CARNMT1: variants seen among roughly 807,000 people sequenced by gnomAD.
The protein encoded by CARNMT1 is carnosine N-methyltransferase 1.
In CARNMT1, 28 loss-of-function variants were observed where a neutral mutation model predicts 49.6. The observed-to-expected ratio is 0.56, with a 90% CI of 0.42 to 0.77. The LOEUF (loss-of-function observed/expected upper bound fraction) is 0.77. Ranked by LOEUF, CARNMT1 falls within the 30% of genes least tolerant of loss-of-function variation. The pLI is 0.00. For missense variants in CARNMT1, 421 were observed against 512.6 expected (o/e 0.82, Z 1.73); for synonymous variants, 178 against 175.0 (o/e 1.02, Z -0.13).
At chr9:75,012,757 TA>T (rs373157512) in intron 3 of CARNMT1, among the ~76,000 whole-genome samples, 8,468 of 147,370 alleles carry the variant, frequency 0.057, 412 homozygotes, top group Admixed American at 0.14. Context: ...ACTAAAAATA[TA>T]AAAAAAAAAA....
chr9:75,011,746 C>G (rs1833696788), intron 3 of CARNMT1, among the ~76,000 whole-genome samples: 2 of 152,072 alleles, frequency 1.3e-5, no homozygotes, highest in Admixed American at 1.3e-4. Context: ...ATGAAGTGGT[C>G]CTTTTGGGAA....
intron 6 of CARNMT1, among the ~76,000 whole-genome samples, chr9:74,990,443 T>C (rs942053521): frequency 2.0e-5 from 3 of 152,216 alleles, no homozygotes; most frequent in Non-Finnish European, 4.4e-5. Flanking sequence ...ACTAAAGTTA[T>C]CAGTATGAAC....
At chr9:74,985,120 A>G (rs534752556) in intron 6 of CARNMT1, 110 bp from the exon 7 acceptor site, 33 of 796,204 alleles carry the variant, frequency 4.1e-5, no homozygotes, top group Non-Finnish European at 6.4e-5. Context: ...CAAACATAAA[A>G]AGTCTGGGCA....
intron 3 of CARNMT1, among the ~76,000 whole-genome samples, chr9:75,000,282 A>T (rs1299111938): frequency 6.6e-6 from 1 of 152,182 alleles, no homozygotes; most frequent in East Asian, 1.9e-4. Context: ...TTATTTCTAA[A>T]TTTTATATGT....
In CARNMT1 at chr9:75,014,042, C is replaced by A. The variant is rs1170847249; in HGVS notation, c.590+2226G>T. ...ACTTAAAAAAAAAAAAAAAAAAAAA[C>A]CCCAAGAATAAAAGGATGAATAAAC... is the stretch of plus-strand genomic sequence containing the variant. On this transcript the variant is annotated intron_variant, in intron 3 of 7. Transcript: ENST00000376834. Among the ~76,000 whole-genome samples the A allele has an allele frequency of 4.7e-4, 56 of 119,916 alleles. 1 individual carries two copies. The highest frequency in any genetic ancestry group is 6.2e-4 in the Non-Finnish European group (35 of 56,314). 78.7% of individuals were successfully genotyped at this position (119,916 alleles called of 152,430 possible).
chr9:75,003,474 A>T (rs1323056861), intron 3 of CARNMT1, among the ~76,000 whole-genome samples: 2 of 152,270 alleles, frequency 1.3e-5, no homozygotes, highest in Non-Finnish European at 2.9e-5. Context: ...TTCCTGCAAC[A>T]AGGCGCTAAG....
intron 6 of CARNMT1, among the ~76,000 whole-genome samples, chr9:74,990,129 A>C (rs1270332431): frequency 6.6e-6 from 1 of 152,220 alleles, no homozygotes; most frequent in Admixed American, 6.5e-5. Flanking sequence ...ATGATTGGTG[A>C]GAGGGGATCC....
rs557367513 is a variant in CARNMT1, at chr9:75,028,129, C to G, written c.113G>C (p.Gly38Ala). 3 of 1,552,414 alleles carry G rather than the reference C, an allele frequency of 1.9e-6. No homozygotes were observed. Among genetic ancestry groups the G allele is most frequent in the East Asian group, 5.2e-5 (2 of 38,514 alleles). ...VEVQFSAGRW[G>A]SAAAVSAAAA... is the part of the protein sequence containing the mutation. ...TGCCGCCGAAACCGCCGCGGCCGAG[C>G]CCCAACGCCCGGCGGAAAACTGCAC... The change falls in exon 1 of 8, where the codon GGC becomes GCC. Residue 38 changes from glycine to alanine, a missense_variant. Transcript: ENST00000376834.
At chr9:74,988,443 T>G (rs1023727971) in intron 6 of CARNMT1, among the ~76,000 whole-genome samples, 1 of 152,204 alleles carries the variant, frequency 6.6e-6, no homozygotes, top group Non-Finnish European at 1.5e-5. Context: ...TATACTTCAT[T>G]AGGAACATTT....
intron 3 of CARNMT1, among the ~76,000 whole-genome samples, chr9:75,014,020 TAAA>T (rs56029312): frequency 1.2e-3 from 84 of 67,380 alleles, no homozygotes; most frequent in African/African-American, 2.0e-3. Context: ...TCCACTTACT[TAAA>T]AAAAAAAAAA....
At chr9:74,995,965 A>G (rs1199923042) in intron 6 of CARNMT1, 1 of 152,220 alleles carries the variant, frequency 6.6e-6, no homozygotes, top group Non-Finnish European at 1.5e-5. Flanking sequence ...TTGCATAAAA[A>G]AAATTGTGTT....
chr9:74,990,001 CA>C (rs988592130), intron 6 of CARNMT1, among the ~76,000 whole-genome samples: 3 of 152,150 alleles, frequency 2.0e-5, no homozygotes, highest in Non-Finnish European at 2.9e-5. Context: ...TGAAAGCTAC[CA>C]TGAGAAGTTC....
intron 3 of CARNMT1, among the ~76,000 whole-genome samples, chr9:75,008,168 TAAAAAA>T (rs71368697): frequency 3.5e-4 from 17 of 48,714 alleles, no homozygotes; most frequent in African/African-American, 1.2e-3. Context: ...GCTGATGAGC[TAAAAAA>T]AAAAAAAAAA....
At chr9:75,012,365 C>T (rs1326421607) in intron 3 of CARNMT1, among the ~76,000 whole-genome samples, 3 of 151,074 alleles carry the variant, frequency 2.0e-5, no homozygotes, top group African/African-American at 7.3e-5. Flanking sequence ...TGACTCACTG[C>T]AACCTCTGCC....
At chr9:75,013,993 AAAAAAAAAAAACCACATCCACTTACTT>A (rs1564103405) in intron 3 of CARNMT1, among the ~76,000 whole-genome samples, 11 of 145,076 alleles carry the variant, frequency 7.6e-5, no homozygotes, top group African/African-American at 2.6e-4. Context: ...GAGAGAGAGA[AAAAAAAAAAAACCACATCCACTTACTT>A]AAAAAAAAAA....
intron 7 of CARNMT1, among the ~76,000 whole-genome samples, chr9:74,984,542 CA>C (rs1832771279): frequency 6.6e-6 from 1 of 152,148 alleles, no homozygotes; most frequent in South Asian, 2.1e-4. Flanking sequence ...CATAATGCCA[CA>C]AGTGACAAAT....
At chr9:74,987,390 C>T (rs1832876888) in intron 6 of CARNMT1, among the ~76,000 whole-genome samples, 1 of 152,076 alleles carries the variant, frequency 6.6e-6, no homozygotes, top group Admixed American at 6.6e-5. Context: ...CCCAAACGTC[C>T]ACCAACCAGT....
chr9:74,988,478 T>C (rs1247867537), intron 6 of CARNMT1, among the ~76,000 whole-genome samples: 3 of 152,152 alleles, frequency 2.0e-5, no homozygotes, highest in Non-Finnish European at 4.4e-5. Context: ...TTCTAGAAAA[T>C]AGTTTTACTG....
chr9:75,016,518 T>C (rs1833857909), intron 2 of CARNMT1, 87 bp from the exon 3 acceptor site: 8 of 1,279,774 alleles, frequency 6.3e-6, no homozygotes, highest in East Asian at 2.4e-5. Flanking sequence ...AGGGGCTATA[T>C]AGGTGGTTTA....
Sources: gnomAD v4.1 joint callset for allele counts (sites outside exome capture counted in the v4.1 genomes callset) on GRCh38, gnomAD v4.1.1 for gene constraint, MANE v1.5 for transcripts, NCBI Gene and HGNC (gene_info 2026-07-23, HGNC 2026-07-21) for gene names.